PDZRN4: variants seen among roughly 807,000 people sequenced by gnomAD.
The protein encoded by PDZRN4 is PDZ domain-containing RING finger protein 4.
Under a neutral mutation model 99.0 loss-of-function variants are expected in PDZRN4, and 70 were observed. The ratio of observed to expected loss-of-function variants is 0.71; its 90% CI spans 0.58 to 0.86. The LOEUF (loss-of-function observed/expected upper bound fraction) is 0.86, where lower values mean the gene tolerates loss of function less well. Among genes scored for constraint, PDZRN4 ranks in the 40% least tolerant of loss-of-function variants. PDZRN4 has a pLI of 0.00. For synonymous variants in PDZRN4, 551 were observed against 501.6 expected, an observed-to-expected ratio of 1.10 and a Z score of -1.32; for missense variants, 1,474 against 1,331.2, an observed-to-expected ratio of 1.11 and a Z score of -1.67.
At chr12:41,507,203 G>T (rs532260551) in intron 4 of PDZRN4, among the ~76,000 whole-genome samples, 2 of 152,190 alleles carry the variant, frequency 1.3e-5, no homozygotes, top group African/African-American at 4.8e-5. Context: ...TCTGACGAAA[G>T]CACTTACCCA....
chr12:41,279,723 A>G (rs1053676915), intron 3 of PDZRN4, among the ~76,000 whole-genome samples: 2 of 152,236 alleles, frequency 1.3e-5, no homozygotes, highest in Non-Finnish European at 2.9e-5. Flanking sequence ...AATAGAGGGA[A>G]GAAGACATGG....
In PDZRN4 at chr12:41,572,517, A is replaced by G; in HGVS notation, c.1738A>G (p.Thr580Ala). The part of the protein sequence containing the change: ...QENAAEDPNS[T>A]SLKSKRDLGQ... Reference sequence around the variant, plus strand: ...GAATGCAGCCGAGGACCCCAATAGCACATCTTTGAAGAGCAAGAGAGACCT... The same window carrying G: ...GAATGCAGCCGAGGACCCCAATAGCGCATCTTTGAAGAGCAAGAGAGACCT... The change falls in exon 10 of 10, where the codon ACA (threonine) becomes GCA (alanine). Residue 580 changes from threonine to alanine, a missense_variant. Physicochemically the swap from Thr to Ala is moderately conservative, Grantham distance 58 (BLOSUM62 0). Transcript: ENST00000402685. 1 of 1,614,120 alleles carries G rather than the reference A, an allele frequency of 6.2e-7. No individual in the cohort carries two copies. Among genetic ancestry groups the G allele is most frequent in the Non-Finnish European group, 8.5e-7 (1 of 1,180,012 alleles).
chr12:41,505,627 G>A (rs1394001780), intron 3 of PDZRN4, among the ~76,000 whole-genome samples: 1 of 152,110 alleles, frequency 6.6e-6, no homozygotes, highest in African/African-American at 2.4e-5. Flanking sequence ...TCTCCCAAAT[G>A]CCAATGGTTT....
At chr12:41,260,706 G>A (rs770178886) in intron 3 of PDZRN4, among the ~76,000 whole-genome samples, 6 of 151,496 alleles carry the variant, frequency 4.0e-5, no homozygotes, top group African/African-American at 7.3e-5. Flanking sequence ...TATGAGTCTA[G>A]ATAAGGTGAT....
At chr12:41,233,424 C>T (rs996125805) in intron 3 of PDZRN4, among the ~76,000 whole-genome samples, 1 of 152,088 alleles carries the variant, frequency 6.6e-6, no homozygotes, top group African/African-American at 2.4e-5. Context: ...TTGACCCAGC[C>T]ATCCCATTAC....
At chr12:41,366,379 A>G (rs913056413) in intron 3 of PDZRN4, among the ~76,000 whole-genome samples, 1 of 152,118 alleles carries the variant, frequency 6.6e-6, no homozygotes, top group Non-Finnish European at 1.5e-5. Context: ...GGACAGTGAA[A>G]AACTCCAATC....
chr12:41,296,714 A>G (rs1444248436), intron 3 of PDZRN4, among the ~76,000 whole-genome samples: 2 of 152,156 alleles, frequency 1.3e-5, no homozygotes, highest in Non-Finnish European at 2.9e-5. Flanking sequence ...AATCCCAGCA[A>G]CTTGGGAGGC....
chr12:41,463,081 A>T (rs1414100064), intron 3 of PDZRN4, among the ~76,000 whole-genome samples: 1 of 152,338 alleles, frequency 6.6e-6, no homozygotes, highest in East Asian at 1.9e-4. Flanking sequence ...AGAAATCTTC[A>T]GTAGCTTCCA....
chr12:41,234,495 T>C (rs1036421563), intron 3 of PDZRN4, among the ~76,000 whole-genome samples: 1 of 151,924 alleles, frequency 6.6e-6, no homozygotes, highest in African/African-American at 2.4e-5. Context: ...TTGTGGAAAA[T>C]ATAAGATTTT....
intron 3 of PDZRN4, among the ~76,000 whole-genome samples, chr12:41,387,421 T>C (rs1398390635): frequency 1.3e-5 from 2 of 151,944 alleles, no homozygotes; most frequent in African/African-American, 2.4e-5. Context: ...TCATCTGTAC[T>C]AACATACAAA....
intron 3 of PDZRN4, among the ~76,000 whole-genome samples, chr12:41,216,557 T>C (rs1950922301): frequency 6.6e-6 from 1 of 152,056 alleles, no homozygotes; most frequent in Admixed American, 6.6e-5. Flanking sequence ...TTAAATTAAC[T>C]ATTTTTATTT....
At chr12:41,445,893 C>T (rs1952722596) in intron 3 of PDZRN4, among the ~76,000 whole-genome samples, 1 of 152,068 alleles carries the variant, frequency 6.6e-6, no homozygotes, top group Non-Finnish European at 1.5e-5. Flanking sequence ...AATTCAAATG[C>T]AGCTGTGTTT....
chr12:41,317,229 T>C (rs940444381), intron 3 of PDZRN4, among the ~76,000 whole-genome samples: 2 of 104,650 alleles, frequency 1.9e-5, no homozygotes, highest in Non-Finnish European at 4.7e-5. Context: ...TTTTAAGGAA[T>C]GGACTCACAT....
chr12:41,544,634 T>C (rs80199355), intron 5 of PDZRN4, among the ~76,000 whole-genome samples: 2,970 of 152,160 alleles, frequency 0.02, 86 homozygotes, highest in African/African-American at 0.064. Context: ...ACTAAACATC[T>C]TAATGAAATA....
intron 3 of PDZRN4, among the ~76,000 whole-genome samples, chr12:41,409,293 T>G (rs1952374897): frequency 6.6e-6 from 1 of 152,096 alleles, no homozygotes; most frequent in African/African-American, 2.4e-5. Flanking sequence ...TTGGGACATA[T>G]AGTTATTGAG....
At chr12:41,445,887 C>T (rs527900099) in intron 3 of PDZRN4, among the ~76,000 whole-genome samples, 2 of 152,156 alleles carry the variant, frequency 1.3e-5, no homozygotes, top group South Asian at 2.1e-4. Context: ...ATAGATAATT[C>T]AAATGCAGCT....
intron 5 of PDZRN4, among the ~76,000 whole-genome samples, chr12:41,519,405 T>C (rs1938454626): frequency 6.6e-6 from 1 of 152,044 alleles, no homozygotes; most frequent in South Asian, 2.1e-4. Flanking sequence ...GCAGCCCTGA[T>C]TCCTTCCTAC....
chr12:41,300,871 C>T (rs1951531173), intron 3 of PDZRN4, among the ~76,000 whole-genome samples: 2 of 152,094 alleles, frequency 1.3e-5, no homozygotes, highest in Non-Finnish European at 2.9e-5. Flanking sequence ...AGACCCAGAA[C>T]TTGAAATGAC....
At chr12:41,479,911 G>T (rs1286169459) in intron 3 of PDZRN4, among the ~76,000 whole-genome samples, 2 of 152,142 alleles carry the variant, frequency 1.3e-5, no homozygotes, top group African/African-American at 4.8e-5. Flanking sequence ...TATATTAAAT[G>T]TGAATGAACA....
Sources: gnomAD v4.1 joint callset for allele counts (sites outside exome capture counted in the v4.1 genomes callset) on GRCh38, gnomAD v4.1.1 for gene constraint, MANE v1.5 for transcripts, NCBI Gene and HGNC (gene_info 2026-07-23, HGNC 2026-07-21) for gene names.